The following EYA4 variants were observed in gnomAD, a reference collection of about 807,000 sequenced individuals.
EYA4 encodes protein phosphatase EYA4.
EYA4 carries 31 observed loss-of-function variants against 87.9 expected under a neutral mutation model. The observed-to-expected ratio is 0.35, with a 90% CI of 0.27 to 0.48. The LOEUF is 0.48. EYA4 is among the 20% of genes least tolerant of loss of function. EYA4 has a pLI of 0.99. For synonymous variants in EYA4, 263 were observed against 270.6 expected (o/e 0.97, Z 0.28); for missense variants, 678 against 761.4 (o/e 0.89, Z 1.29).
intron 3 of EYA4, among the ~76,000 whole-genome samples, chr6:133,415,192 T>C (rs1329065108): frequency 1.3e-5 from 2 of 152,208 alleles, no homozygotes; most frequent in Non-Finnish European, 2.9e-5. Context: ...AGAGCCTTAT[T>C]GTATTGACAA....
intron 4 of EYA4, 80 bp from the exon 5 acceptor site, chr6:133,448,031 C>A: frequency 2.7e-6 from 3 of 1,109,016 alleles, no homozygotes; most frequent in Non-Finnish European, 4.1e-6. Flanking sequence ...AGGTCAGAAA[C>A]CAGTGCAAGC....
chr6:133,274,751 T>A lies in EYA4; in HGVS notation c.-30T>A. ...TTACTTGAAGGAAGCTGCTTCTACT[T>A]GGGAGTGGCAGGAGAAGTGAGAAAA... On this transcript the variant is annotated 5_prime_UTR_variant, in exon 2 of 20. Transcript: ENST00000355286. 6.2e-7 allele frequency: 1 copy of A among 1,605,526 alleles called. No homozygotes were observed. The highest frequency in any genetic ancestry group is 8.5e-7 in the Non-Finnish European group (1 of 1,172,360).
intron 13 of EYA4, among the ~76,000 whole-genome samples, chr6:133,495,212 T>A (rs187782456): frequency 8.9e-4 from 135 of 152,076 alleles, no homozygotes; most frequent in Non-Finnish European, 1.5e-3. Flanking sequence ...GAGGTTGCAG[T>A]GAGCTGAGAT....
rs180698362 is a variant in EYA4, at chr6:133,493,018, C to T, written c.1191+9903C>T. ...GAAGAATCAATATTGTTAAAATGTC[C>T]GTTTTACCTGAAGCAATCTATCAAT... On this transcript the variant is annotated intron_variant, in intron 13 of 19. Transcript: ENST00000355286. 7.3e-4 allele frequency among the ~76,000 whole-genome samples: 111 copies of T among 152,150 alleles called. 1 individual carries two copies. Among genetic ancestry groups the T allele is most frequent in the Middle Eastern group, 6.8e-3 (2 of 294 alleles).
chr6:133,389,025 G>A (rs915698037), intron 3 of EYA4, among the ~76,000 whole-genome samples: 1 of 152,064 alleles, frequency 6.6e-6, no homozygotes, highest in Non-Finnish European at 1.5e-5. Flanking sequence ...CAGAGGCTGG[G>A]ACTCTCCTTC....
At position 133,524,126 on chromosome 6, in the gene EYA4, A is replaced by G. The variant is rs1363049338; in HGVS notation, c.1738+949A>G. Among the ~76,000 whole-genome samples, 4 of 152,312 alleles carry G rather than the reference A, an allele frequency of 2.6e-5. No individual in the cohort carries two copies. In the East Asian group the frequency reaches 7.7e-4, roughly 29 times the overall value. Reference sequence around the variant, plus strand: ...ACTACAGTTCAGAGCCTGGATATCAATACCATACATTTTTAATCTAAATGT... The same window carrying G: ...ACTACAGTTCAGAGCCTGGATATCAGTACCATACATTTTTAATCTAAATGT... On this transcript the variant is annotated intron_variant, in intron 18 of 19. Transcript: ENST00000355286.
intron 11 of EYA4, among the ~76,000 whole-genome samples, chr6:133,475,389 G>T (rs1269388409): frequency 6.6e-6 from 1 of 151,940 alleles, no homozygotes; most frequent in Non-Finnish European, 1.5e-5. Context: ...AGTTAGTCTT[G>T]TATAACAATA....
intron 1 of EYA4, among the ~76,000 whole-genome samples, chr6:133,261,627 A>G (rs1428572612): frequency 6.6e-6 from 1 of 152,188 alleles, no homozygotes; most frequent in East Asian, 1.9e-4. Context: ...TTTGGCTACT[A>G]TCTAAATATA....
chr6:133,487,806 G>A (rs1363001391), intron 13 of EYA4, among the ~76,000 whole-genome samples: 4 of 152,184 alleles, frequency 2.6e-5, no homozygotes, highest in Non-Finnish European at 2.9e-5. Flanking sequence ...CATATTCCTA[G>A]CTGTGGTGGC....
intron 2 of EYA4, among the ~76,000 whole-genome samples, chr6:133,381,721 G>A (rs1786242556): frequency 6.6e-6 from 1 of 152,118 alleles, no homozygotes; most frequent in Non-Finnish European, 1.5e-5. Flanking sequence ...AAGTGCAATT[G>A]TGAAAATCTA....
At chr6:133,473,110 G>A (rs1795420184) in intron 11 of EYA4, among the ~76,000 whole-genome samples, 1 of 151,986 alleles carries the variant, frequency 6.6e-6, no homozygotes, top group Non-Finnish European at 1.5e-5. Context: ...ATTTGTTCAA[G>A]TATATTTTTC....
At chr6:133,482,182 A>G (rs1796272378) in intron 12 of EYA4, among the ~76,000 whole-genome samples, 1 of 152,220 alleles carries the variant, frequency 6.6e-6, no homozygotes, top group South Asian at 2.1e-4. Context: ...TAACCATAAT[A>G]TGTTACTTCT....
intron 2 of EYA4, among the ~76,000 whole-genome samples, chr6:133,367,593 A>G (rs1356334713): frequency 6.6e-6 from 1 of 152,174 alleles, no homozygotes; most frequent in Non-Finnish European, 1.5e-5. Flanking sequence ...CTTCACTTTT[A>G]TCAGAATGTG....
At chr6:133,488,208 G>A (rs147709585) in intron 13 of EYA4, among the ~76,000 whole-genome samples, 8 of 152,190 alleles carry the variant, frequency 5.3e-5, no homozygotes, top group African/African-American at 1.9e-4. Context: ...TTGGGTGCTA[G>A]CTCAACCACA....
Position 133,517,608 on chromosome 6 carries a change from G to A in EYA4, c.1616+2173G>A, listed in dbSNP as rs564711224. On this transcript the variant is annotated intron_variant, in intron 17 of 19. Coordinates refer to ENST00000355286, the MANE Select transcript of EYA4 (RefSeq NM_004100.5). ...TCACATCCTGCACAGCTTCTGACTCGTGGCACAGGCAGAGCTGCATGGATA... is the reference window on the plus strand; with the variant it reads ...TCACATCCTGCACAGCTTCTGACTCATGGCACAGGCAGAGCTGCATGGATA... Among the ~76,000 whole-genome samples the A allele has an allele frequency of 9.9e-5, 15 of 152,240 alleles. No individual in the cohort carries two copies. The South Asian group carries it at 2.7e-3, about 27-fold the overall frequency.
chr6:133,351,453 A>G (rs1783633975), intron 2 of EYA4, among the ~76,000 whole-genome samples: 2 of 152,116 alleles, frequency 1.3e-5, no homozygotes, highest in Non-Finnish European at 1.5e-5. Context: ...CTCTCTGTCT[A>G]CTTAGCTGTG....
intron 2 of EYA4, among the ~76,000 whole-genome samples, chr6:133,318,818 C>A (rs755206818): frequency 2.0e-5 from 3 of 152,182 alleles, no homozygotes; most frequent in Non-Finnish European, 4.4e-5. Context: ...AGTTTCCTTG[C>A]AAGTCCTGAA....
intron 13 of EYA4, among the ~76,000 whole-genome samples, chr6:133,496,731 C>T (rs542167274): frequency 7.2e-5 from 11 of 152,224 alleles, no homozygotes; most frequent in African/African-American, 1.7e-4. Context: ...AGATAATGTA[C>T]GTATATAAAA....
chr6:133,345,766 A>C (rs377962), intron 2 of EYA4, among the ~76,000 whole-genome samples: 36,248 of 152,138 alleles, frequency 0.24, 5,564 homozygotes, highest in Middle Eastern at 0.36. Context: ...GTAAAGTAAT[A>C]AAAATAGTCT....
Sources: allele counts gnomAD v4.1 joint callset (sites outside exome capture counted in the v4.1 genomes callset), GRCh38; gene constraint gnomAD v4.1.1; transcripts MANE v1.5; gene names NCBI Gene and HGNC (gene_info 2026-07-23, HGNC 2026-07-21).